RBMS3: variants seen among roughly 807,000 people sequenced by gnomAD.
RBMS3 encodes the protein RNA-binding motif, single-stranded-interacting protein 3.
RBMS3 carries 27 observed loss-of-function variants against 66.8 expected under a neutral mutation model. That is an observed-to-expected ratio of 0.40 (90% CI 0.30 to 0.56). The LOEUF (loss-of-function observed/expected upper bound fraction) is 0.56, where lower values mean the gene tolerates loss of function less well. Among genes scored for constraint, RBMS3 ranks in the 20% least tolerant of loss-of-function variants. The pLI, the probability that RBMS3 is intolerant of heterozygous loss-of-function variation, is 0.40. For synonymous variants in RBMS3, 188 were observed against 183.0 expected, an observed-to-expected ratio of 1.03 and a Z score of -0.22; for missense variants, 513 against 549.5, an observed-to-expected ratio of 0.93 and a Z score of 0.66.
intron 7 of RBMS3, among the ~76,000 whole-genome samples, chr3:29,878,370 A>G (rs996177687): frequency 2.0e-5 from 3 of 152,128 alleles, no homozygotes; most frequent in Non-Finnish European, 2.9e-5. Flanking sequence ...CACTTTTAGT[A>G]TCACATAGGA....
intron 14 of RBMS3, among the ~76,000 whole-genome samples, chr3:29,993,655 T>G (rs1316135584): frequency 6.6e-6 from 1 of 152,224 alleles, no homozygotes; most frequent in Non-Finnish European, 1.5e-5. Context: ...GTTACTTGAC[T>G]GCTAGAGCTA....
At chr3:29,797,288 C>T (rs113728067) in intron 6 of RBMS3, among the ~76,000 whole-genome samples, 4,309 of 152,308 alleles carry the variant, frequency 0.028, 88 homozygotes, top group Non-Finnish European at 0.043. Flanking sequence ...ATGGAAACAG[C>T]TTCTTTCCTT....
At chr3:29,764,041 T>C (rs2149384870) in intron 6 of RBMS3, among the ~76,000 whole-genome samples, 1 of 152,214 alleles carries the variant, frequency 6.6e-6, no homozygotes, top group South Asian at 2.1e-4. Context: ...CCTTAAAATA[T>C]ATTGAGTTTA....
At chr3:29,667,103 A>G (rs1302041693) in intron 4 of RBMS3, among the ~76,000 whole-genome samples, 1 of 152,224 alleles carries the variant, frequency 6.6e-6, no homozygotes, top group Non-Finnish European at 1.5e-5. Context: ...TCTGGGAAAT[A>G]ATGTTCTTGC....
intron 3 of RBMS3, among the ~76,000 whole-genome samples, chr3:29,499,693 A>G: frequency 6.6e-6 from 1 of 152,256 alleles, no homozygotes; most frequent in Non-Finnish European, 1.5e-5. Context: ...CCAGCCCTGA[A>G]TTAGCAGAAA....
In RBMS3 at chr3:30,009,791, G is replaced by GTAAC. The variant is rs1200930928; in HGVS notation, c.*5931_*5934dup. On this transcript the variant is annotated 3_prime_UTR_variant, in exon 15 of 15. Coordinates refer to ENST00000383767, the MANE Select transcript of RBMS3 (RefSeq NM_001003793.3). ...ATCAAATTTAAACAATGTCCAAAGTGTAACTTTAATGTTATATTTTGTTTC... is the reference window on the plus strand; with the variant it reads ...ATCAAATTTAAACAATGTCCAAAGTGTAACTAACTTTAATGTTATATTTTGTTTC... 6.6e-6 allele frequency: 1 copy of GTAAC among 152,148 alleles called. No individual in the cohort carries two copies. The highest frequency in any genetic ancestry group is 1.5e-5 in the Non-Finnish European group (1 of 68,020). 9.4% of individuals were successfully genotyped at this position (152,148 alleles called of 1,614,324 possible).
intron 3 of RBMS3, among the ~76,000 whole-genome samples, chr3:29,537,931 A>G (rs899833318): frequency 1.3e-5 from 2 of 152,066 alleles, no homozygotes; most frequent in Non-Finnish European, 2.9e-5. Context: ...CTACTAATAC[A>G]ATATACTGGC....
chr3:29,369,815 C>A (rs887658186), intron 1 of RBMS3, among the ~76,000 whole-genome samples: 5 of 151,984 alleles, frequency 3.3e-5, no homozygotes, highest in Admixed American at 6.6e-5. Context: ...ATAGGTGGGA[C>A]TTTTAAAGGC....
At chr3:29,670,137 A>G (rs1254772231) in intron 4 of RBMS3, among the ~76,000 whole-genome samples, 1 of 152,128 alleles carries the variant, frequency 6.6e-6, no homozygotes, top group Non-Finnish European at 1.5e-5. Context: ...ACATATTCCT[A>G]CCTACATAAA....
At chr3:29,649,292 A>C (rs2050058919) in intron 4 of RBMS3, among the ~76,000 whole-genome samples, 1 of 152,210 alleles carries the variant, frequency 6.6e-6, no homozygotes, top group African/African-American at 2.4e-5. Context: ...GAATCCATGG[A>C]ATCTTGCTCT....
chr3:29,393,849 G>A (rs72619945), intron 1 of RBMS3, among the ~76,000 whole-genome samples: 29,762 of 151,872 alleles, frequency 0.2, 3,746 homozygotes, highest in East Asian at 0.56. Context: ...GTGGGTACGA[G>A]CAGGGAGTAA....
chr3:29,399,300 T>C (rs1425875172), intron 1 of RBMS3, among the ~76,000 whole-genome samples: 4 of 152,150 alleles, frequency 2.6e-5, no homozygotes, highest in Admixed American at 6.6e-5. Context: ...CAGTAATAGT[T>C]TGGTGGCAAA....
chr3:29,928,735 G>A (rs1233358803), intron 10 of RBMS3, among the ~76,000 whole-genome samples: 3 of 151,872 alleles, frequency 2.0e-5, no homozygotes, highest in East Asian at 3.9e-4. Context: ...CCAGACTACT[G>A]GTCACTTGCT....
intron 1 of RBMS3, among the ~76,000 whole-genome samples, chr3:29,363,829 A>C (rs2037748408): frequency 6.6e-6 from 1 of 152,034 alleles, no homozygotes; most frequent in Non-Finnish European, 1.5e-5. Flanking sequence ...GTTTTTTAGC[A>C]ACAGTTAAAA....
At chr3:29,634,877 G>A (rs971795327) in intron 4 of RBMS3, among the ~76,000 whole-genome samples, 2 of 151,722 alleles carry the variant, frequency 1.3e-5, no homozygotes, top group Admixed American at 6.6e-5. Flanking sequence ...GGCCTATCGA[G>A]CCCCATCTTT....
At chr3:29,360,167 T>TTTAGAG (rs1559515622) in intron 1 of RBMS3, among the ~76,000 whole-genome samples, 16 of 152,198 alleles carry the variant, frequency 1.1e-4, no homozygotes, top group African/African-American at 3.6e-4. Context: ...CTTTTCTGCT[T>TTTAGAG]TCTCTTGTGG....
intron 1 of RBMS3, among the ~76,000 whole-genome samples, chr3:29,368,350 C>A (rs2038017154): frequency 1.3e-5 from 2 of 152,050 alleles, no homozygotes. Flanking sequence ...ATGTGGAAGG[C>A]TGAAAGTGAA....
chr3:29,591,758 G>A (rs189224210), intron 4 of RBMS3, among the ~76,000 whole-genome samples: 277 of 152,206 alleles, frequency 1.8e-3, no homozygotes, highest in African/African-American at 5.9e-3. Flanking sequence ...GCTTTCTGTC[G>A]ATTCCAAATA....
intron 1 of RBMS3, among the ~76,000 whole-genome samples, chr3:29,413,423 T>TACATACACACAC (rs1421760268): frequency 3.8e-4 from 45 of 119,034 alleles, no homozygotes; most frequent in South Asian, 8.1e-4. Flanking sequence ...CATACATACA[T>TACATACACACAC]ACACAGAGTT....
Sources: gnomAD v4.1 joint callset for allele counts (sites outside exome capture counted in the v4.1 genomes callset) on GRCh38, gnomAD v4.1.1 for gene constraint, MANE v1.5 for transcripts, NCBI Gene and HGNC (gene_info 2026-07-23, HGNC 2026-07-21) for gene names.